Variants in EYS observed in about 807,000 individuals in gnomAD.
EYS encodes the protein EGF-like photoreceptor maintenance factor.
In EYS, 250 loss-of-function variants were observed where a neutral mutation model predicts 282.1. The observed-to-expected ratio is 0.89, with a 90% CI of 0.80 to 0.98. The LOEUF is 0.98. Among genes scored for constraint, EYS ranks in the 50% least tolerant of loss-of-function variants. The pLI is 0.00. For synonymous variants in EYS, 1,355 were observed against 1,282.9 expected, an observed-to-expected ratio of 1.06 and a Z score of -1.20; for missense variants, 4,016 against 3,709.0, an observed-to-expected ratio of 1.08 and a Z score of -2.15.
intron 33 of EYS, among the ~76,000 whole-genome samples, chr6:64,027,389 A>G (rs1490917541): frequency 1.3e-5 from 2 of 152,164 alleles, no homozygotes; most frequent in African/African-American, 2.4e-5. Flanking sequence ...ATTCTAAAGG[A>G]TAAGTTTATT....
intron 29 of EYS, among the ~76,000 whole-genome samples, chr6:64,384,691 G>A (rs555796438): frequency 1.8e-4 from 28 of 152,274 alleles, no homozygotes; most frequent in African/African-American, 6.0e-4. Flanking sequence ...CACTACCAAG[G>A]AAAGTGTTTT....
At chr6:64,747,566 G>A (rs1165371489) in intron 22 of EYS, among the ~76,000 whole-genome samples, 1 of 152,124 alleles carries the variant, frequency 6.6e-6, no homozygotes, top group Non-Finnish European at 1.5e-5. Context: ...TTTTGGTAGA[G>A]ACCAGGTTTC....
chr6:64,496,536 T>C (rs1270954832), intron 26 of EYS, among the ~76,000 whole-genome samples: 1 of 152,026 alleles, frequency 6.6e-6, no homozygotes, highest in Non-Finnish European at 1.5e-5. Flanking sequence ...CATTCTATTA[T>C]ATAAGCAGAT....
intron 31 of EYS, among the ~76,000 whole-genome samples, chr6:64,148,969 G>A (rs768666438): frequency 1.2e-4 from 19 of 152,074 alleles, no homozygotes; most frequent in East Asian, 3.9e-4. Context: ...TCATAGCCTC[G>A]ATATTAGAAT....
intron 15 of EYS, among the ~76,000 whole-genome samples, chr6:64,937,421 T>C (rs1768945351): frequency 6.6e-6 from 1 of 151,564 alleles, no homozygotes; most frequent in Non-Finnish European, 1.5e-5. Context: ...CCAAAATATA[T>C]AAAATTTCTT....
intron 31 of EYS, among the ~76,000 whole-genome samples, chr6:64,102,665 A>T (rs1772871875): frequency 6.6e-6 from 1 of 152,208 alleles, no homozygotes; most frequent in African/African-American, 2.4e-5. Context: ...GATTATAAGC[A>T]AAGAAAAATC....
chr6:64,860,316 C>T (rs1011037856), intron 19 of EYS, among the ~76,000 whole-genome samples: 6 of 152,198 alleles, frequency 3.9e-5, no homozygotes, highest in African/African-American at 1.4e-4. Context: ...GCAGGCTGTG[C>T]TCAGCTCATG....
intron 12 of EYS, among the ~76,000 whole-genome samples, chr6:65,104,434 T>G (rs1414322279): frequency 6.6e-6 from 1 of 151,546 alleles, no homozygotes; most frequent in Non-Finnish European, 1.5e-5. Flanking sequence ...GCCCACAATT[T>G]GAGTAAATGC....
chr6:65,472,420 T>C (rs991935756), intron 5 of EYS, among the ~76,000 whole-genome samples: 2 of 152,086 alleles, frequency 1.3e-5, no homozygotes, highest in African/African-American at 4.8e-5. Context: ...AAATGTCAGA[T>C]ACATATTCTT....
chr6:64,116,509 A>G (rs1773390192), intron 31 of EYS, among the ~76,000 whole-genome samples: 1 of 152,194 alleles, frequency 6.6e-6, no homozygotes, highest in South Asian at 2.1e-4. Flanking sequence ...TATTAACAAA[A>G]TGGCAATAGT....
intron 35 of EYS, among the ~76,000 whole-genome samples, chr6:63,982,993 T>C (rs1767173223): frequency 6.6e-6 from 1 of 151,832 alleles, no homozygotes; most frequent in Non-Finnish European, 1.5e-5. Context: ...GTTTGAAAGT[T>C]GCCTTGCTAA....
At chr6:64,396,889 T>C (rs1012396796) in intron 28 of EYS, among the ~76,000 whole-genome samples, 1 of 151,960 alleles carries the variant, frequency 6.6e-6, no homozygotes, top group Non-Finnish European at 1.5e-5. Context: ...AACATTGTTT[T>C]GGCTGTGTGT....
At position 65,005,423 on chromosome 6, in the gene EYS, A is replaced by G. The variant is rs184532447; in HGVS notation, c.2138-7720T>C. Among the ~76,000 whole-genome samples, 40 of 147,618 alleles carry G rather than the reference A, an allele frequency of 2.7e-4. 4 individuals are homozygous for G. In the South Asian group the frequency reaches 5.8e-3, roughly 21 times the overall value. On this transcript the variant is annotated intron_variant, in intron 13 of 42. Transcript: ENST00000503581. ...CAAGAGCCCCAGGTCAGAGAACACA[A>G]GGCTTGCCACCATCTTGGAAGCGGG...
intron 35 of EYS, among the ~76,000 whole-genome samples, chr6:63,954,189 C>T (rs1765716427): frequency 6.6e-6 from 1 of 152,118 alleles, no homozygotes; most frequent in African/African-American, 2.4e-5. Flanking sequence ...CTCCATTTCC[C>T]CATATTTCCT....
intron 2 of EYS, among the ~76,000 whole-genome samples, chr6:65,593,676 T>C (rs1765308110): frequency 6.6e-6 from 1 of 151,970 alleles, no homozygotes; most frequent in Admixed American, 6.6e-5. Context: ...TACTCTCCCA[T>C]AGCAAATTCA....
rs191013469 is a variant in EYS at position 64,088,781 on chromosome 6, C to T, written c.6425-6779G>A. Reference sequence around the variant, plus strand: ...ATGAGTATCTTTACCCTGAACACAACGCAACTTAGCAGAATAAAAGTTAGT... The same window carrying T: ...ATGAGTATCTTTACCCTGAACACAATGCAACTTAGCAGAATAAAAGTTAGT... On this transcript the variant is annotated intron_variant, in intron 31 of 42. Coordinates refer to ENST00000503581, the MANE Select transcript of EYS (RefSeq NM_001142800.2). Among the ~76,000 whole-genome samples the T allele has an allele frequency of 2.7e-3, 412 of 152,002 alleles. 1 individual carries two copies. Among genetic ancestry groups the T allele is most frequent in the African/African-American group, 9.0e-3 (373 of 41,520 alleles).
intron 12 of EYS, among the ~76,000 whole-genome samples, chr6:65,111,733 G>C (rs1486163677): frequency 6.6e-6 from 1 of 152,134 alleles, no homozygotes; most frequent in African/African-American, 2.4e-5. Flanking sequence ...TGTAATCCCA[G>C]CTACTCAGGA....
chr6:65,415,594 G>A (rs1274847543), intron 5 of EYS, among the ~76,000 whole-genome samples: 2 of 151,952 alleles, frequency 1.3e-5, no homozygotes, highest in Non-Finnish European at 2.9e-5. Flanking sequence ...ACCGGTAAAG[G>A]GATTATCAGG....
intron 28 of EYS, among the ~76,000 whole-genome samples, chr6:64,399,049 T>C (rs1300167054): frequency 6.6e-6 from 1 of 151,842 alleles, no homozygotes; most frequent in Non-Finnish European, 1.5e-5. Flanking sequence ...CTCTAAAATT[T>C]AATGTTTGGA....
Sources: allele counts gnomAD v4.1 joint callset (sites outside exome capture counted in the v4.1 genomes callset), GRCh38; gene constraint gnomAD v4.1.1; transcripts MANE v1.5; gene names NCBI Gene and HGNC (gene_info 2026-07-23, HGNC 2026-07-21).